DIAPH2: variants seen among roughly 807,000 people sequenced by gnomAD.
DIAPH2 encodes the protein protein diaphanous homolog 2.
DIAPH2 carries 35 observed loss-of-function variants against 92.7 expected under a neutral mutation model. That is an observed-to-expected ratio of 0.38 (90% CI 0.29 to 0.50). The LOEUF (loss-of-function observed/expected upper bound fraction) is 0.50, where lower values mean the gene tolerates loss of function less well. DIAPH2 is among the 20% of genes least tolerant of loss of function. The pLI is 0.94. For missense variants in DIAPH2, 701 were observed against 819.5 expected, an observed-to-expected ratio of 0.86 and a Z score of 1.77; for synonymous variants, 301 against 280.4, an observed-to-expected ratio of 1.07 and a Z score of -0.73.
intron 26 of DIAPH2, among the ~76,000 whole-genome samples, chrX:97,541,981 G>A (rs1186142029): frequency 8.9e-6 from 1 of 112,244 alleles, no homozygotes; most frequent in Non-Finnish European, 1.9e-5. Context: ...TATGAGGGTT[G>A]CAAAAAAGTC....
intron 5 of DIAPH2, among the ~76,000 whole-genome samples, chrX:96,900,040 G>A (rs186360914): frequency 8.8e-4 from 98 of 111,597 alleles, no homozygotes; most frequent in Non-Finnish European, 1.4e-3. Flanking sequence ...ATTGACTTGC[G>A]TATATTGAAC....
intron 26 of DIAPH2, among the ~76,000 whole-genome samples, chrX:97,590,791 A>G (rs948378957): frequency 8.9e-6 from 1 of 111,907 alleles, no homozygotes; most frequent in African/African-American, 3.3e-5. Flanking sequence ...TCTAGGCTTC[A>G]ACAATAGAAC....
chrX:97,242,426 C>T (rs1298563365), intron 22 of DIAPH2, among the ~76,000 whole-genome samples: 3 of 108,117 alleles, frequency 2.8e-5, no homozygotes, highest in African/African-American at 6.7e-5. Context: ...TGCAGTGGCA[C>T]GATCTCGGCT....
intron 22 of DIAPH2, among the ~76,000 whole-genome samples, chrX:97,228,059 C>G (rs2061994704): frequency 9.0e-6 from 1 of 110,800 alleles, no homozygotes. Flanking sequence ...TGCCATTATG[C>G]TATGCTAATT....
intron 22 of DIAPH2, among the ~76,000 whole-genome samples, chrX:97,243,127 A>T (rs1002960884): frequency 9.0e-6 from 1 of 111,414 alleles, no homozygotes; most frequent in African/African-American, 3.3e-5. Context: ...AAAGTATTAA[A>T]CAAAATGCAG....
At chrX:97,173,827 G>T (rs760682656) in intron 22 of DIAPH2, among the ~76,000 whole-genome samples, 2 of 108,704 alleles carry the variant, frequency 1.8e-5, no homozygotes, top group South Asian at 4.0e-4. Flanking sequence ...AGGATCACTT[G>T]ACCCTGGGAG....
chrX:97,009,033 T>C (rs749877094), intron 17 of DIAPH2, among the ~76,000 whole-genome samples: 1 of 111,192 alleles, frequency 9.0e-6, no homozygotes, highest in Non-Finnish European at 1.9e-5. Context: ...CCTTTGGCCT[T>C]GGGCTGATCC....
rs1259599706 is a variant in DIAPH2, at chrX:96,938,439, T to C, written c.1209-827T>C. ...ATAATCAAACTTCACCATAAAACTATTTTTGGATGCATTGTGTAGCCATTT... is the reference window on the plus strand; with the variant it reads ...ATAATCAAACTTCACCATAAAACTACTTTTGGATGCATTGTGTAGCCATTT... On this transcript the variant is annotated intron_variant, in intron 11 of 26. Coordinates refer to ENST00000324765, the MANE Select transcript of DIAPH2 (RefSeq NM_006729.5). 2.7e-5 allele frequency among the ~76,000 whole-genome samples: 3 copies of C among 111,756 alleles called. No individual in the cohort carries two copies. In the East Asian group the frequency reaches 8.4e-4, roughly 31 times the overall value.
In DIAPH2 at chrX:97,415,706, G is replaced by T. The variant is rs919688249; in HGVS notation, c.3146-13944G>T. Among the ~76,000 whole-genome samples the T allele has an allele frequency of 2.8e-5, 3 of 107,363 alleles. No homozygotes were observed. The Admixed American group carries it at 3.0e-4, about 11-fold the overall frequency. 93.2% of individuals were successfully genotyped at this position (107,363 alleles called of 115,157 possible). A position where few individuals can be genotyped will look rare whatever the true frequency, so the allele number is the denominator to read the frequency against. On this transcript the variant is annotated intron_variant, in intron 25 of 26. Coordinates refer to ENST00000324765, the MANE Select transcript of DIAPH2 (RefSeq NM_006729.5). ...CATCACACATGGGGGCGTGTTGTGGGGTGGGGGGCAGGGGGAGGGATAGCA... is the reference window on the plus strand; with the variant it reads ...CATCACACATGGGGGCGTGTTGTGGTGTGGGGGGCAGGGGGAGGGATAGCA...
chrX:96,832,865 TGATAA>T (rs1164915715), intron 4 of DIAPH2, among the ~76,000 whole-genome samples: 1 of 111,662 alleles, frequency 9.0e-6, no homozygotes, highest in African/African-American at 3.2e-5. Context: ...TAAGGGAAAA[TGATAA>T]GATAATGTTT....
intron 26 of DIAPH2, among the ~76,000 whole-genome samples, chrX:97,544,226 A>G (rs1193341516): frequency 8.9e-6 from 1 of 112,094 alleles, no homozygotes; most frequent in Non-Finnish European, 1.9e-5. Flanking sequence ...GAAGACTGGT[A>G]AGGCTTATTT....
intron 25 of DIAPH2, among the ~76,000 whole-genome samples, chrX:97,411,979 T>C (rs1401668420): frequency 9.0e-6 from 1 of 111,366 alleles, no homozygotes; most frequent in African/African-American, 3.3e-5. Context: ...CCACTGTCAA[T>C]ATTAGACAGA....
chrX:97,497,465 A>G (rs1182858744), intron 26 of DIAPH2, among the ~76,000 whole-genome samples: 2 of 102,655 alleles, frequency 1.9e-5, no homozygotes, highest in Non-Finnish European at 3.9e-5. Flanking sequence ...TTTTTTTACC[A>G]CATTCTCTTT....
At chrX:96,880,206 G>A (rs972595536) in intron 4 of DIAPH2, among the ~76,000 whole-genome samples, 4 of 111,422 alleles carry the variant, frequency 3.6e-5, no homozygotes, top group Non-Finnish European at 7.5e-5. Flanking sequence ...ATTCATGACC[G>A]GTGTTAGTTA....
At chrX:97,416,342 C>T (rs2069946260) in intron 25 of DIAPH2, among the ~76,000 whole-genome samples, 1 of 112,244 alleles carries the variant, frequency 8.9e-6, no homozygotes, top group African/African-American at 3.2e-5. Context: ...TCCTCCACTA[C>T]TTTCACATTA....
intron 26 of DIAPH2, among the ~76,000 whole-genome samples, chrX:97,476,581 A>G (rs1174624813): frequency 1.8e-5 from 2 of 111,613 alleles, no homozygotes; most frequent in African/African-American, 6.5e-5. Flanking sequence ...GTGCTTCTGT[A>G]TAGAACTTGT....
intron 7 of DIAPH2, among the ~76,000 whole-genome samples, chrX:96,916,182 C>G (rs928637666): frequency 1.5e-4 from 17 of 110,702 alleles, no homozygotes; most frequent in Admixed American, 1.2e-3. Flanking sequence ...TGATTGTTCC[C>G]ATATTTCTCC....
At chrX:97,301,145 CGT>C (rs1193404603) in intron 23 of DIAPH2, among the ~76,000 whole-genome samples, 1 of 82,237 alleles carries the variant, frequency 1.2e-5, no homozygotes, top group Admixed American at 1.5e-4. Context: ...AGCGAGACTC[CGT>C]CTCAAAAAAA....
chrX:96,855,809 AT>A (rs1471372409), intron 4 of DIAPH2, among the ~76,000 whole-genome samples: 2 of 111,306 alleles, frequency 1.8e-5, no homozygotes, highest in African/African-American at 6.5e-5. Flanking sequence ...TATTTTAAAA[AT>A]ATATAAATCT....
Sources: gnomAD v4.1 joint callset for allele counts (sites outside exome capture counted in the v4.1 genomes callset) on GRCh38, gnomAD v4.1.1 for gene constraint, MANE v1.5 for transcripts, NCBI Gene and HGNC (gene_info 2026-07-23, HGNC 2026-07-21) for gene names.